Variants in SULF1 observed in about 807,000 individuals in gnomAD.
SULF1 encodes sulfatase 1, also known as extracellular sulfatase Sulf-1.
Under a neutral mutation model 110.5 loss-of-function variants are expected in SULF1, and 46 were observed. The ratio of observed to expected loss-of-function variants is 0.42; its 90% confidence interval spans 0.33 to 0.53. SULF1 has a LOEUF of 0.53. Ranked by LOEUF, SULF1 falls within the 20% of genes least tolerant of loss-of-function variation. The pLI, the probability that SULF1 is intolerant of heterozygous loss-of-function variation, is 0.12. For missense variants in SULF1, 941 were observed against 1,094.2 expected (o/e 0.86, Z 1.98); for synonymous variants, 371 against 387.1 (o/e 0.96, Z 0.49).
intron 3 of SULF1, among the ~76,000 whole-genome samples, chr8:69,544,250 TG>T (rs1278902292): frequency 6.6e-6 from 1 of 151,840 alleles, no homozygotes; most frequent in Middle Eastern, 3.4e-3. Flanking sequence ...ACAAAACAAA[TG>T]TTTTTTTTTG....
intron 3 of SULF1, among the ~76,000 whole-genome samples, chr8:69,556,452 C>T (rs1815123516): frequency 6.6e-6 from 1 of 152,218 alleles, no homozygotes; most frequent in African/African-American, 2.4e-5. Flanking sequence ...AGTGTGCATC[C>T]ATGCATGGCT....
rs1810309251 is a variant in SULF1, at chr8:69,495,823, T to C, written c.-332T>C. The C allele has an allele frequency of 6.6e-6, 1 of 152,216 alleles. No homozygotes were observed. The highest frequency in any genetic ancestry group is 1.5e-5 in the Non-Finnish European group (1 of 68,036). 9.4% of individuals were successfully genotyped at this position (152,216 alleles called of 1,614,324 possible). On this transcript the variant is annotated 5_prime_UTR_variant, in exon 2 of 23. Coordinates refer to ENST00000402687, the MANE Select transcript of SULF1 (RefSeq NM_001128205.2). ...TCAGAGACTAACACAAAGGAAGTAA[T>C]TTCTTACCTGGTCATTATTTAGTCT...
chr8:69,512,091 T>C (rs750228308), intron 3 of SULF1, among the ~76,000 whole-genome samples: 3 of 152,200 alleles, frequency 2.0e-5, no homozygotes, highest in Non-Finnish European at 2.9e-5. Context: ...GCTTGTGTTT[T>C]ATATTTTTGA....
chr8:69,553,030 T>C (rs1224973997), intron 3 of SULF1, among the ~76,000 whole-genome samples: 1 of 152,192 alleles, frequency 6.6e-6, no homozygotes, highest in Non-Finnish European at 1.5e-5. Flanking sequence ...TAAAGGTTGA[T>C]GGAGGTGAAC....
chr8:69,577,876 T>C (rs1031756768), intron 6 of SULF1, among the ~76,000 whole-genome samples: 5 of 152,216 alleles, frequency 3.3e-5, no homozygotes, highest in African/African-American at 1.2e-4. Context: ...CTGTTCATTG[T>C]CTTATTTATT....
chr8:69,548,477 A>G (rs1814443809), intron 3 of SULF1, among the ~76,000 whole-genome samples: 2 of 145,622 alleles, frequency 1.4e-5, no homozygotes, highest in Admixed American at 1.4e-4. Flanking sequence ...ATGGAGTCTC[A>G]CTCTGTCGCT....
Position 69,638,523 on chromosome 8 carries a change from C to T in SULF1, c.2306C>T (p.Thr769Met), listed in dbSNP as rs957456132. The T allele has an allele frequency of 6.8e-6, 11 of 1,612,346 alleles. No individual in the cohort carries two copies. Among genetic ancestry groups the T allele is most frequent in the African/African-American group, 4.0e-5 (3 of 74,784 alleles). ...FWNLGSFCAC[T>M]SSNNNTYWCL... ...ACAGTGGGATCTTTCTGTGCTTGCACGAGTTCTAACAATAACACCTACTGG... is the reference window on the plus strand; with the variant it reads ...ACAGTGGGATCTTTCTGTGCTTGCATGAGTTCTAACAATAACACCTACTGG... Residue 769 changes from threonine (T) to methionine (M), a missense_variant, in exon 20 of 23, where the codon ACG becomes ATG. By Grantham distance (81) the Thr-to-Met change is moderately conservative. Around this residue, in one of 3 missense-constraint regions of SULF1, gnomAD observed 112 missense variants for 133.5 expected, o/e 0.84. Coordinates refer to ENST00000402687, the MANE Select transcript of SULF1 (RefSeq NM_001128205.2).
At chr8:69,504,377 A>G (rs1811032559) in intron 3 of SULF1, among the ~76,000 whole-genome samples, 1 of 151,926 alleles carries the variant, frequency 6.6e-6, no homozygotes, top group African/African-American at 2.4e-5. Flanking sequence ...AATATGGTGA[A>G]ACCCCATCTC....
chr8:69,538,975 G>A (rs1813668114), intron 3 of SULF1, among the ~76,000 whole-genome samples: 1 of 152,190 alleles, frequency 6.6e-6, no homozygotes, highest in Non-Finnish European at 1.5e-5. Flanking sequence ...GCAGGCGTAA[G>A]CTACCGTGCC....
chr8:69,502,537 G>A (rs1810877130), intron 3 of SULF1, among the ~76,000 whole-genome samples: 4 of 152,050 alleles, frequency 2.6e-5, no homozygotes, highest in Admixed American at 6.6e-5. Context: ...AACCTCATGA[G>A]GCTTTTTCAA....
At chr8:69,531,442 C>T (rs1414776950) in intron 3 of SULF1, among the ~76,000 whole-genome samples, 1 of 152,144 alleles carries the variant, frequency 6.6e-6, no homozygotes, top group Non-Finnish European at 1.5e-5. Flanking sequence ...TTCAACCAAG[C>T]CACCACCCAC....
At chr8:69,469,932 C>T (rs978468658) in intron 1 of SULF1, among the ~76,000 whole-genome samples, 2 of 152,122 alleles carry the variant, frequency 1.3e-5, no homozygotes, top group African/African-American at 4.8e-5. Context: ...ATCCCAGCTA[C>T]TTGGGAGTCT....
In SULF1 at chr8:69,590,140, C is replaced by T. The variant is rs559588005; in HGVS notation, c.734+999C>T. ...GGCTCTCTAGTTGCCGGTCACTATACATCCCTAGAGAAGTTTTTATAAAAT... is the reference window on the plus strand; with the variant it reads ...GGCTCTCTAGTTGCCGGTCACTATATATCCCTAGAGAAGTTTTTATAAAAT... On this transcript the variant is annotated intron_variant, in intron 8 of 22. Coordinates refer to ENST00000402687, the MANE Select transcript of SULF1 (RefSeq NM_001128205.2). Among the ~76,000 whole-genome samples the T allele has an allele frequency of 5.3e-5, 8 of 152,248 alleles. 1 individual carries two copies. In the South Asian group the frequency reaches 1.7e-3, roughly 32 times the overall value.
At position 69,537,462 on chromosome 8, in the gene SULF1, T is replaced by C. The variant is rs1026391734; in HGVS notation, c.-133-26077T>C. Among the ~76,000 whole-genome samples, 4 of 152,344 alleles carry C rather than the reference T, an allele frequency of 2.6e-5. No homozygotes were observed. The South Asian group carries it at 8.3e-4, about 32-fold the overall frequency. ...TATGCATGACTCTGTTAAGAGATTT[T>C]TTTTGAACAGCTTTTGGTTTCCAAG... On this transcript the variant is annotated intron_variant, in intron 3 of 22. Coordinates refer to ENST00000402687, the MANE Select transcript of SULF1 (RefSeq NM_001128205.2).
intron 6 of SULF1, among the ~76,000 whole-genome samples, chr8:69,581,190 T>A (rs1806035850): frequency 6.6e-6 from 1 of 152,352 alleles, no homozygotes; most frequent in South Asian, 2.1e-4. Context: ...TTAACTTGGT[T>A]CAAAATTATT....
chr8:69,525,067 A>G (rs1273916915), intron 3 of SULF1, among the ~76,000 whole-genome samples: 1 of 152,232 alleles, frequency 6.6e-6, no homozygotes, highest in Non-Finnish European at 1.5e-5. Context: ...ACTTACTTCA[A>G]TGATACCTGC....
In SULF1 at chr8:69,569,820, C is replaced by G. The variant is rs180688696; in HGVS notation, c.172+5673C>G. 3.5e-3 allele frequency among the ~76,000 whole-genome samples: 537 copies of G among 152,042 alleles called. 3 individuals carry two copies. The highest frequency in any genetic ancestry group is 0.012 in the African/African-American group (508 of 41,474). On this transcript the variant is annotated intron_variant, in intron 5 of 22. Transcript: ENST00000402687. ...ATTCCAGACTAATTTATTATCTTCT[C>G]TTTTTTCCCTTCTTCTCCCAACTAC...
At chr8:69,639,237 A>C (rs1356691905) in intron 21 of SULF1, among the ~76,000 whole-genome samples, 1 of 152,148 alleles carries the variant, frequency 6.6e-6, no homozygotes, top group Admixed American at 6.5e-5. Context: ...TTTTTAAGAG[A>C]ACTTTGATGG....
At chr8:69,650,076 G>C (rs896231542) in intron 22 of SULF1, among the ~76,000 whole-genome samples, 1 of 132,564 alleles carries the variant, frequency 7.5e-6, no homozygotes, top group African/African-American at 2.8e-5. Context: ...GCTTACTGCA[G>C]GCTTGACCCC....
Sources: gnomAD v4.1 joint callset for allele counts (sites outside exome capture counted in the v4.1 genomes callset) on GRCh38, gnomAD v4.1.1 for gene constraint, gnomAD v4.1.1 regional missense constraint, MANE v1.5 for transcripts, NCBI Gene and HGNC (gene_info 2026-07-23, HGNC 2026-07-21) for gene names.